JAKMIP3: variants seen among roughly 807,000 people sequenced by gnomAD.
The protein encoded by JAKMIP3 is Janus kinase and microtubule interacting protein 3.
In JAKMIP3, 58 loss-of-function variants were observed where a neutral mutation model predicts 118.5. That is an observed-to-expected ratio of 0.49 (90% CI 0.40 to 0.61). The LOEUF is 0.61. Among genes scored for constraint, JAKMIP3 ranks in the 20% least tolerant of loss-of-function variants. The pLI, the probability that JAKMIP3 is intolerant of heterozygous loss-of-function variation, is 0.00. For synonymous variants in JAKMIP3, 486 were observed against 451.2 expected, an observed-to-expected ratio of 1.08 and a Z score of -0.98; for missense variants, 950 against 1,109.0, an observed-to-expected ratio of 0.86 and a Z score of 2.04.
intron 5 of JAKMIP3, 38 bp downstream of exon 5, chr10:132,135,198 G>C (rs1349160273): frequency 6.4e-7 from 1 of 1,571,168 alleles, no homozygotes; most frequent in Admixed American, 1.7e-5. Context: ...CTGGGGGTTT[G>C]TGACTGCGGA....
chr10:132,145,402 C>A, intron 12 of JAKMIP3, 116 bp from the exon 13 acceptor site: 2 of 1,073,982 alleles, frequency 1.9e-6, no homozygotes, highest in Non-Finnish European at 2.7e-6. Context: ...TTTGTAGAGA[C>A]GGGGCTTTGC....
rs778782414 is a variant in JAKMIP3 at position 132,166,976 on chromosome 10, G to A, written c.2491-7G>A. The A allele has an allele frequency of 1.3e-5, 20 of 1,536,650 alleles. No individual in the cohort carries two copies. The highest frequency in any genetic ancestry group is 7.2e-5 in the South Asian group (6 of 83,580). On this transcript the variant is annotated splice_region_variant and splice_polypyrimidine_tract_variant and intron_variant, in intron 21 of 23. Transcript: ENST00000684848. ...TCCGTTTCTCCATCCTCCCCTTTCCGTTTCAGTTTCTATTTTTGTTCTTAT... is the reference window on the plus strand; with the variant it reads ...TCCGTTTCTCCATCCTCCCCTTTCCATTTCAGTTTCTATTTTTGTTCTTAT...
chr10:132,149,333 T>C, intron 14 of JAKMIP3, 79 bp from the exon 15 acceptor site: 2 of 929,408 alleles, frequency 2.2e-6, no homozygotes, highest in Admixed American at 2.4e-5. Context: ...TTGGCCCGTG[T>C]TCCTCAGGCC....
intron 1 of JAKMIP3, among the ~76,000 whole-genome samples, chr10:132,054,841 T>C (rs2038195310): frequency 6.6e-6 from 1 of 152,138 alleles, no homozygotes; most frequent in Middle Eastern, 3.4e-3. Flanking sequence ...GCCCTGGCCC[T>C]GAGGCCTGGG....
intron 1 of JAKMIP3, among the ~76,000 whole-genome samples, chr10:132,097,088 G>A (rs1333865627): frequency 6.6e-6 from 1 of 152,250 alleles, no homozygotes; most frequent in East Asian, 1.9e-4. Flanking sequence ...AGCTCACCTA[G>A]GAGAACGGCA....
intron 23 of JAKMIP3, among the ~76,000 whole-genome samples, chr10:132,180,700 T>TGTGCGCGC (rs1554963259): frequency 1.6e-4 from 3 of 18,292 alleles, no homozygotes; most frequent in Admixed American, 1.4e-3. Context: ...TGCGTGCGTG[T>TGTGCGCGC]GTGTGTGCGC....
chr10:132,092,655 G>A (rs1181364355), intron 1 of JAKMIP3, among the ~76,000 whole-genome samples: 1 of 152,044 alleles, frequency 6.6e-6, no homozygotes, highest in African/African-American at 2.4e-5. Flanking sequence ...GGTTATTCTA[G>A]TTAGCCATTT....
intron 11 of JAKMIP3, among the ~76,000 whole-genome samples, chr10:132,143,075 T>C (rs573082081): frequency 5.9e-5 from 9 of 151,404 alleles, no homozygotes; most frequent in African/African-American, 9.7e-5. Context: ...TGGCACCTCA[T>C]TGGGGACGTC....
At chr10:132,141,723 C>T (rs952029851) in intron 10 of JAKMIP3, among the ~76,000 whole-genome samples, 197 bp from the exon 11 acceptor site, 9 of 152,192 alleles carry the variant, frequency 5.9e-5, no homozygotes, top group African/African-American at 2.2e-4. Context: ...AACCTTTCTC[C>T]AAACAGCACT....
chr10:132,138,301 G>A (rs965162763), intron 9 of JAKMIP3, 123 bp downstream of exon 9: 19 of 834,480 alleles, frequency 2.3e-5, no homozygotes, highest in Middle Eastern at 3.6e-4. Flanking sequence ...CGTGGAGGGC[G>A]CTGGGTGTGT....
Position 132,163,191 on chromosome 10 carries a change from T to C in JAKMIP3, c.2221-18T>C, listed in dbSNP as rs1252174664. On this transcript the variant is annotated intron_variant, in intron 19 of 23. Transcript: ENST00000684848. ...TGGGGAGAAGGCAAGGACTAAGGCG[T>C]CTCCCCTTCCGCCCCAGCACATCCT... 1.2e-5 allele frequency: 19 copies of C among 1,548,414 alleles called. No homozygotes were observed. In the Admixed American group the frequency reaches 3.7e-4, roughly 30 times the overall value.
At chr10:132,048,486 G>A (rs1470722471) in intron 1 of JAKMIP3, among the ~76,000 whole-genome samples, 2 of 152,106 alleles carry the variant, frequency 1.3e-5, no homozygotes, top group Non-Finnish European at 2.9e-5. Context: ...GCTAAAATCC[G>A]GTAATGACAA....
intron 16 of JAKMIP3, among the ~76,000 whole-genome samples, chr10:132,150,958 A>C (rs1348934262): frequency 3.3e-5 from 5 of 150,810 alleles, no homozygotes; most frequent in African/African-American, 1.2e-4. Context: ...CCATCTATCT[A>C]TCATCCATCA....
intron 1 of JAKMIP3, among the ~76,000 whole-genome samples, chr10:132,084,741 A>T (rs755191999): frequency 3.9e-4 from 60 of 152,318 alleles, no homozygotes; most frequent in Admixed American, 7.2e-4. Context: ...ACATTGAGTT[A>T]TGTCCCTTGT....
In JAKMIP3 at chr10:132,053,552, C is replaced by T. The variant is rs144792306; in HGVS notation, c.-138+16814C>T. 5.8e-3 allele frequency among the ~76,000 whole-genome samples: 878 copies of T among 152,324 alleles called. 27 individuals carry two copies. The highest frequency in any genetic ancestry group is 0.012 in the East Asian group (63 of 5,184). ...ATGTCTCTCAGTCTACATCGTCCCA[C>T]GTAATGTGGCCTCTCAGCACTTTTG... On this transcript the variant is annotated intron_variant, in intron 1 of 23. Coordinates refer to the JAKMIP3 transcript ENST00000657785.
intron 17 of JAKMIP3, 136 bp from the exon 18 acceptor site, chr10:132,153,623 G>T (rs1301142937): frequency 6.1e-6 from 5 of 823,134 alleles, no homozygotes; most frequent in Non-Finnish European, 1.0e-5. Context: ...ACTCCCTGGA[G>T]AGGGCTGTGC....
chr10:132,137,390 C>A (rs1042660291), intron 8 of JAKMIP3, 101 bp downstream of exon 8: 9 of 1,437,802 alleles, frequency 6.3e-6, no homozygotes, highest in Non-Finnish European at 7.7e-6. Flanking sequence ...CAGACAGAAG[C>A]GGCCGCGGCA....
chr10:132,077,172 G>A (rs1039329668), intron 1 of JAKMIP3, among the ~76,000 whole-genome samples: 7 of 152,200 alleles, frequency 4.6e-5, no homozygotes, highest in African/African-American at 1.4e-4. Context: ...TTGCTTCCAC[G>A]CTTAGCCTAG....
chr10:132,109,065 TACACACATACACATATATATACAC>T (rs1361911786), intron 2 of JAKMIP3, among the ~76,000 whole-genome samples: 5 of 1,606 alleles, frequency 3.1e-3, no homozygotes, highest in Admixed American at 0.014. Flanking sequence ...CATGCACATA[TACACACATACACATATATATACAC>T]ACACATATAT....
Sources: allele counts gnomAD v4.1 joint callset (sites outside exome capture counted in the v4.1 genomes callset), GRCh38; gene constraint gnomAD v4.1.1; transcripts MANE v1.5; gene names NCBI Gene and HGNC (gene_info 2026-07-23, HGNC 2026-07-21).